ADAMTS13: variants seen among roughly 807,000 people sequenced by gnomAD.
The protein encoded by ADAMTS13 is A disintegrin and metalloproteinase with thrombospondin motifs 13.
In ADAMTS13, 110 loss-of-function variants were observed where a neutral mutation model predicts 155.1. The observed-to-expected ratio is 0.71, with a 90% CI of 0.61 to 0.83. The LOEUF (loss-of-function observed/expected upper bound fraction) is 0.83. Among genes scored for constraint, ADAMTS13 ranks in the 40% least tolerant of loss-of-function variants. The pLI, the probability that ADAMTS13 is intolerant of heterozygous loss-of-function variation, is 0.00. For synonymous variants in ADAMTS13, 758 were observed against 756.4 expected (o/e 1.00, Z -0.03); for missense variants, 1,707 against 1,891.7 (o/e 0.90, Z 1.81).
Position 133,445,842 on chromosome 9 carries a change from T to C in ADAMTS13, c.2731+23T>C. On this transcript the variant is annotated intron_variant, in intron 21 of 28. Coordinates refer to ENST00000355699, the MANE Select transcript of ADAMTS13 (RefSeq NM_139027.6). This position sits in a 1 kb window ranked among gnomAD's most constrained non-coding sequence, Gnocchi z 5.0. ...GAGGTGAGGGCCCCCGGGATGCTCC[T>C]GGGGACCAGCACTCATGGTAACTCT... 1 of 1,556,880 alleles carries C rather than the reference T, an allele frequency of 6.4e-7. No homozygotes were observed. The highest frequency in any genetic ancestry group is 1.2e-5 in the South Asian group (1 of 83,526).
At position 133,436,625 on chromosome 9, in the gene ADAMTS13, G is replaced by A. The variant is rs36220235; in HGVS notation, c.1309-204G>A. 0.029 allele frequency among the ~76,000 whole-genome samples: 4,469 copies of A among 152,178 alleles called. 93 individuals carry two copies. The highest frequency in any genetic ancestry group is 0.037 in the Non-Finnish European group (2,549 of 67,986). On this transcript the variant is annotated intron_variant, in intron 11 of 28. Coordinates refer to ENST00000355699, the MANE Select transcript of ADAMTS13 (RefSeq NM_139027.6). ...TTCGTTGCTGCCCTGTGTTCTTTAC[G>A]GATTCCCCGGGGTTTTCCCATCAAT... is the stretch of plus-strand genomic sequence containing the variant.
At chr9:133,457,055 G>A (rs1029427686) in intron 27 of ADAMTS13, 4 of 394,320 alleles carry the variant, frequency 1.0e-5, no homozygotes, top group Non-Finnish European at 1.8e-5. Flanking sequence ...TTAGGGTTTT[G>A]TGGAAGCCAC....
In ADAMTS13 at chr9:133,439,427, G is replaced by A. The variant is rs372789831; in HGVS notation, c.1767G>A (p.Arg589=). 2.0e-5 allele frequency: 33 copies of A among 1,613,906 alleles called. No individual in the cohort carries two copies. The African/African-American group carries it at 4.0e-4, about 20-fold the overall frequency. ...NLTSVYIANH[R]PLFTHLAVRI... is the part of the protein sequence containing the mutation. The stretch of plus-strand genomic sequence containing the variant: ...CCAGTGTCTACATTGCCAACCACAG[G>A]CCTCTCTTCACACACTTGGGTGAGT... The change falls in exon 15 of 29, where the codon AGG becomes AGA. Residue 589 remains arginine, a synonymous_variant. Coordinates refer to ENST00000355699, the MANE Select transcript of ADAMTS13 (RefSeq NM_139027.6).
At chr9:133,438,548 G>A (rs890072481) in intron 14 of ADAMTS13, among the ~76,000 whole-genome samples, 182 bp downstream of exon 14, 1 of 152,122 alleles carries the variant, frequency 6.6e-6, no homozygotes, top group African/African-American at 2.4e-5. Flanking sequence ...GGCAGGCTCA[G>A]GTTTTGGCCT....
rs1840202506 is a variant in ADAMTS13 at position 133,425,233 on chromosome 9, A to G, written c.331-296A>G. On this transcript the variant is annotated intron_variant, in intron 3 of 28. Transcript: ENST00000355699. The surrounding 1 kb of genome is among the most constrained non-coding windows in gnomAD (Gnocchi z 4.6). ...TGAGAGGAGCCTGCGATCTGAGAGG[A>G]GCAGCGTTTGACCGGAATATCCGAC... 6.6e-6 allele frequency among the ~76,000 whole-genome samples: 1 copy of G among 152,172 alleles called. No individual in the cohort carries two copies. The highest frequency in any genetic ancestry group is 2.4e-5 in the African/African-American group (1 of 41,444).
At chr9:133,451,666 G>A (rs1424336449) in intron 23 of ADAMTS13, among the ~76,000 whole-genome samples, 1 of 152,130 alleles carries the variant, frequency 6.6e-6, no homozygotes, top group African/African-American at 2.4e-5. Context: ...TGAGATGGGT[G>A]GATCATTTGA....
chr9:133,458,099 G>A lies in ADAMTS13; in HGVS notation c.3909+5G>A, dbSNP rs1564447778. On this transcript the variant is annotated splice_donor_5th_base_variant and intron_variant, in intron 28 of 28. Transcript: ENST00000355699. ...GCCAATGCCAGCTACATCTTGGTGA[G>A]GCCCAGCATGGGGACTTGTGCTGTG... The A allele has an allele frequency of 4.3e-6, 7 of 1,612,702 alleles. No homozygotes were observed. The highest frequency in any genetic ancestry group is 5.9e-6 in the Non-Finnish European group (7 of 1,179,854).
Position 133,445,573 on chromosome 9 carries a change from G to A in ADAMTS13, c.2611-126G>A. 9 of 1,465,236 alleles carry A rather than the reference G, an allele frequency of 6.1e-6. No homozygotes were observed. The highest frequency in any genetic ancestry group is 5.7e-6 in the Non-Finnish European group (6 of 1,059,804). 90.8% of individuals were successfully genotyped at this position (1,465,236 alleles called of 1,614,324 possible). A position where few individuals can be genotyped will look rare whatever the true frequency, so the allele number is the denominator to read the frequency against. On this transcript the variant is annotated intron_variant, in intron 20 of 28. Coordinates refer to ENST00000355699, the MANE Select transcript of ADAMTS13 (RefSeq NM_139027.6). This position sits in a 1 kb window ranked among gnomAD's most constrained non-coding sequence, Gnocchi z 5.0. Reference sequence around the variant, plus strand: ...AGCCGATCTCGCCAAGGGAGGAGGGGAGGGAGCCCCTGGTGCACACACGCC... The same window carrying A: ...AGCCGATCTCGCCAAGGGAGGAGGGAAGGGAGCCCCTGGTGCACACACGCC...
At chr9:133,437,510 G>A (rs374365090) in intron 12 of ADAMTS13, among the ~76,000 whole-genome samples, 8 of 152,228 alleles carry the variant, frequency 5.3e-5, no homozygotes, top group East Asian at 1.9e-4. Context: ...CGCCTGCCTC[G>A]GCTTCCCAAA....
At position 133,425,128 on chromosome 9, in the gene ADAMTS13, C is replaced by G. The variant is rs587716358; in HGVS notation, c.331-401C>G. On this transcript the variant is annotated intron_variant, in intron 3 of 28. Transcript: ENST00000355699. The surrounding 1 kb of genome is among the most constrained non-coding windows in gnomAD (Gnocchi z 4.6). ...TCACCCGAAGTCAGGAGTTCAAGAC[C>G]AGCCTGGCCAACATGGTGAAACCCC... Among the ~76,000 whole-genome samples the G allele has an allele frequency of 2.8e-4, 43 of 152,336 alleles. No individual in the cohort carries two copies. In the East Asian group the frequency reaches 4.2e-3, roughly 15 times the overall value.
exon 1 of ADAMTS13, chr9:133,414,467 C>T (rs782090171): frequency 3.1e-5 from 22 of 704,936 alleles, no homozygotes; most frequent in African/African-American, 2.3e-4. Flanking sequence ...CTCTGCTCAA[C>T]GCTCGGAAGA....
intron 8 of ADAMTS13, 105 bp downstream of exon 8, chr9:133,430,206 T>A (rs1554786939): frequency 2.8e-6 from 4 of 1,452,536 alleles, no homozygotes; most frequent in Non-Finnish European, 3.7e-6. Flanking sequence ...GGTGCCGTGC[T>A]AGGCTGAGGT....
chr9:133,426,808 CTT>C (rs36219249), intron 6 of ADAMTS13, among the ~76,000 whole-genome samples: 10 of 145,894 alleles, frequency 6.9e-5, no homozygotes, highest in Non-Finnish European at 4.5e-5. Context: ...CTTTTCTTTT[CTT>C]TTTTTTTTTT....
At chr9:133,455,648 G>A (rs1588208699) in intron 25 of ADAMTS13, 1 of 1,591,358 alleles carries the variant, frequency 6.3e-7, no homozygotes. Context: ...CTGCAGGAGG[G>A]GTGGGCAAAG....
chr9:133,457,847 T>C (rs1271933497), intron 27 of ADAMTS13, 63 bp from the exon 28 acceptor site: 16 of 1,603,040 alleles, frequency 1.0e-5, no homozygotes, highest in African/African-American at 1.3e-5. Context: ...TGGCTGTGAG[T>C]TGTCCTGGCC....
intron 8 of ADAMTS13, among the ~76,000 whole-genome samples, chr9:133,431,002 G>T (rs147768737): frequency 2.0e-5 from 3 of 151,826 alleles, no homozygotes; most frequent in African/African-American, 7.3e-5. Context: ...GCCTCGTTCT[G>T]TTGCCCAGGG....
chr9:133,458,789 T>C (rs1842915250), intron 28 of ADAMTS13, among the ~76,000 whole-genome samples, 185 bp from the exon 29 acceptor site: 1 of 152,180 alleles, frequency 6.6e-6, no homozygotes, highest in South Asian at 2.1e-4. Flanking sequence ...TGACTGTGTG[T>C]CCTTGGGGAA....
At chr9:133,432,133 C>T (rs1554787653) in intron 8 of ADAMTS13, among the ~76,000 whole-genome samples, 1 of 152,030 alleles carries the variant, frequency 6.6e-6, no homozygotes, top group African/African-American at 2.4e-5. Flanking sequence ...GGCGTGGTGG[C>T]GCATGCCTGT....
At chr9:133,430,391 C>T (rs1840662842) in intron 8 of ADAMTS13, among the ~76,000 whole-genome samples, 1 of 152,194 alleles carries the variant, frequency 6.6e-6, no homozygotes, top group African/African-American at 2.4e-5. Context: ...CAATCTTAAA[C>T]AGTTACCAAG....
Sources: allele counts gnomAD v4.1 joint callset (sites outside exome capture counted in the v4.1 genomes callset), GRCh38; gene constraint gnomAD v4.1.1; non-coding constraint Gnocchi (gnomAD v3.1); transcripts MANE v1.5; gene names NCBI Gene and HGNC (gene_info 2026-07-23, HGNC 2026-07-21).